The following DISC1 variants were observed in gnomAD, a reference collection of about 807,000 sequenced individuals.
DISC1 encodes the protein DISC1 scaffold protein.
A neutral mutation model predicts 84.5 loss-of-function variants in DISC1; 57 were observed. That is an observed-to-expected ratio of 0.67 (90% confidence interval 0.55 to 0.84). The LOEUF (loss-of-function observed/expected upper bound fraction) is 0.84, where lower values mean the gene tolerates loss of function less well. Ranked by LOEUF, DISC1 falls within the 40% of genes least tolerant of loss-of-function variation. The pLI is 0.00. For missense variants in DISC1, 1,000 were observed against 1,057.8 expected, an observed-to-expected ratio of 0.95 and a Z score of 0.76; for synonymous variants, 411 against 415.2, an observed-to-expected ratio of 0.99 and a Z score of 0.12.
intron 9 of DISC1, among the ~76,000 whole-genome samples, chr1:231,901,200 C>T (rs192543000): frequency 7.9e-4 from 120 of 152,184 alleles, no homozygotes; most frequent in African/African-American, 2.8e-3. Flanking sequence ...AAATGGCTGG[C>T]CTGTCTTCAA....
chr1:231,910,961 G>C (rs555629113), intron 9 of DISC1, among the ~76,000 whole-genome samples: 122 of 152,156 alleles, frequency 8.0e-4, no homozygotes, highest in African/African-American at 2.9e-3. Flanking sequence ...ATCTTTGTTG[G>C]TTTAAAGTCT....
chr1:231,678,200 TTGG>T (rs1331222390), intron 1 of DISC1, among the ~76,000 whole-genome samples: 1 of 152,252 alleles, frequency 6.6e-6, no homozygotes, highest in Non-Finnish European at 1.5e-5. Flanking sequence ...AATACATACA[TTGG>T]TCTCGTCTGA....
chr1:231,976,512 G>A (rs16855860), intron 10 of DISC1, among the ~76,000 whole-genome samples: 4,689 of 152,242 alleles, frequency 0.031, 237 homozygotes, highest in African/African-American at 0.11. Context: ...AGGATAATAA[G>A]AGTTCTGATT....
intron 9 of DISC1, among the ~76,000 whole-genome samples, chr1:231,912,855 C>A (rs1359743248): frequency 6.7e-6 from 1 of 148,526 alleles, no homozygotes; most frequent in Non-Finnish European, 1.5e-5. Context: ...TTCTTCTCCT[C>A]CTCCTCCTTC....
intron 4 of DISC1, among the ~76,000 whole-genome samples, chr1:231,755,777 T>C (rs887474535): frequency 2.6e-5 from 4 of 152,194 alleles, no homozygotes; most frequent in African/African-American, 4.8e-5. Context: ...CAGTCATTGG[T>C]CACCAAGTCC....
chr1:231,627,735 G>C (rs897917618), intron 1 of DISC1, among the ~76,000 whole-genome samples: 12 of 152,194 alleles, frequency 7.9e-5, no homozygotes, highest in African/African-American at 2.7e-4. Flanking sequence ...GACAGGGCTG[G>C]GTCAGTCGCT....
intron 9 of DISC1, among the ~76,000 whole-genome samples, chr1:231,827,601 C>G (rs945531214): frequency 3.9e-5 from 6 of 152,128 alleles, no homozygotes; most frequent in African/African-American, 1.4e-4. Context: ...TCACTTGTTG[C>G]TAATTTGATT....
At position 232,037,350 on chromosome 1, in the gene DISC1, A is replaced by T. The variant is rs1223410603; in HGVS notation, c.*519A>T. The stretch of plus-strand genomic sequence containing the variant: ...TCTGGAGTTAACAGCTTTTCACCTT[A>T]CTTCTCCTGTGATCTAATATTATCT... On this transcript the variant is annotated 3_prime_UTR_variant, in exon 13 of 13. Coordinates refer to ENST00000439617, the MANE Select transcript of DISC1 (RefSeq NM_018662.3). 1 of 152,214 alleles carries T rather than the reference A, an allele frequency of 6.6e-6. No individual in the cohort carries two copies. Among genetic ancestry groups the T allele is most frequent in the Non-Finnish European group, 1.5e-5 (1 of 68,048 alleles). The allele number at this position is 152,214 out of a possible 1,614,324, so 9.4% of individuals were successfully genotyped here. A position where few individuals can be genotyped will look rare whatever the true frequency, so the allele number is the denominator to read the frequency against.
At chr1:231,972,660 A>G (rs1197305534) in intron 10 of DISC1, among the ~76,000 whole-genome samples, 1 of 152,236 alleles carries the variant, frequency 6.6e-6, no homozygotes. Flanking sequence ...ATTTGGCTTC[A>G]GATTCCATGC....
At position 231,776,464 on chromosome 1, in the gene DISC1, A is replaced by T. The variant is rs558818359; in HGVS notation, c.1634+5394A>T. On this transcript the variant is annotated intron_variant, in intron 6 of 12. Transcript: ENST00000439617. ...TGAAACAAACTCAACCCCTGGTTACAGGAGGGCTGGCTGGGCCTTGGTTGG... is the reference window on the plus strand; with the variant it reads ...TGAAACAAACTCAACCCCTGGTTACTGGAGGGCTGGCTGGGCCTTGGTTGG... Among the ~76,000 whole-genome samples, 14 of 152,274 alleles carry T rather than the reference A, an allele frequency of 9.2e-5. No homozygotes were observed. The East Asian group carries it at 2.3e-3, about 25-fold the overall frequency.
At chr1:231,868,057 A>G (rs1558669477) in intron 9 of DISC1, among the ~76,000 whole-genome samples, 2 of 152,206 alleles carry the variant, frequency 1.3e-5, no homozygotes, top group Non-Finnish European at 2.9e-5. Flanking sequence ...GGGGACAAGA[A>G]AAAACAAAAC....
chr1:231,731,340 A>G (rs1423034062), intron 3 of DISC1, among the ~76,000 whole-genome samples: 1 of 152,230 alleles, frequency 6.6e-6, no homozygotes, highest in African/African-American at 2.4e-5. Flanking sequence ...CTGCAGTAAT[A>G]TTTATACCTA....
intron 3 of DISC1, among the ~76,000 whole-genome samples, chr1:231,735,608 C>T (rs1337464621): frequency 6.6e-6 from 1 of 152,208 alleles, no homozygotes; most frequent in East Asian, 1.9e-4. Flanking sequence ...AACTGTGTGA[C>T]TAATTTTGAA....
At chr1:231,666,827 G>A (rs2062068151) in intron 1 of DISC1, among the ~76,000 whole-genome samples, 1 of 152,236 alleles carries the variant, frequency 6.6e-6, no homozygotes, top group Non-Finnish European at 1.5e-5. Context: ...CTGGAGAGGA[G>A]AGGTCAGGAC....
chr1:231,913,975 A>G (rs2089441004), intron 9 of DISC1, among the ~76,000 whole-genome samples: 3 of 152,200 alleles, frequency 2.0e-5, no homozygotes, highest in Admixed American at 2.0e-4. Context: ...TCTAAGTGAC[A>G]GAAGCCCCCA....
At chr1:231,924,116 C>T (rs1158395452) in intron 9 of DISC1, among the ~76,000 whole-genome samples, 4 of 152,146 alleles carry the variant, frequency 2.6e-5, no homozygotes, top group Admixed American at 6.5e-5. Context: ...AAGAGCTTGT[C>T]GTATAAATAC....
intron 1 of DISC1, among the ~76,000 whole-genome samples, chr1:231,662,701 T>G (rs528842246): frequency 6.6e-5 from 10 of 152,380 alleles, no homozygotes; most frequent in African/African-American, 2.4e-4. Context: ...CTGTTGCTGT[T>G]GTATGCCTAA....
At chr1:231,848,263 A>G (rs764354942) in intron 9 of DISC1, among the ~76,000 whole-genome samples, 5 of 152,142 alleles carry the variant, frequency 3.3e-5, no homozygotes, top group Middle Eastern at 3.2e-3. Flanking sequence ...CTGCGCCACT[A>G]GACTGCATCC....
At chr1:231,644,085 G>A (rs2059940364) in intron 1 of DISC1, among the ~76,000 whole-genome samples, 2 of 152,194 alleles carry the variant, frequency 1.3e-5, no homozygotes, top group Non-Finnish European at 2.9e-5. Flanking sequence ...ATTCTGGAGA[G>A]GGCACATGGC....
Sources: allele counts gnomAD v4.1 joint callset (sites outside exome capture counted in the v4.1 genomes callset), GRCh38; gene constraint gnomAD v4.1.1; transcripts MANE v1.5; gene names NCBI Gene and HGNC (gene_info 2026-07-23, HGNC 2026-07-21).